MECOM: variants seen among roughly 807,000 people sequenced by gnomAD.
MECOM encodes the protein MDS1 and EVI1 complex locus.
In MECOM, 13 loss-of-function variants were observed where a neutral mutation model predicts 116.3. The ratio of observed to expected loss-of-function variants is 0.11; its 90% CI spans 0.07 to 0.18. The LOEUF is 0.18. Ranked by LOEUF, MECOM falls within the 10% of genes least tolerant of loss-of-function variation. The pLI, the probability that MECOM is intolerant of heterozygous loss-of-function variation, is 1.00. For synonymous variants in MECOM, 528 were observed against 535.2 expected (o/e 0.99, Z 0.19); for missense variants, 1,299 against 1,509.0 (o/e 0.86, Z 2.31).
chr3:169,319,561 A>AT, intron 2 of MECOM, among the ~76,000 whole-genome samples: 2 of 151,456 alleles, frequency 1.3e-5, no homozygotes, highest in African/African-American at 4.8e-5. Flanking sequence ...AAGTATAATA[A>AT]AAAAAAAATC....
At chr3:169,517,248 G>T (rs1756752162) in intron 1 of MECOM, among the ~76,000 whole-genome samples, 1 of 152,116 alleles carries the variant, frequency 6.6e-6, no homozygotes, top group African/African-American at 2.4e-5. Context: ...GAGCTTTTTG[G>T]CATGGGGAGG....
At chr3:169,220,542 T>G (rs1354254685) in intron 2 of MECOM, among the ~76,000 whole-genome samples, 11 of 152,108 alleles carry the variant, frequency 7.2e-5, no homozygotes, top group Admixed American at 7.2e-4. Context: ...TAGCTCGATT[T>G]TGGCTCACTG....
chr3:169,526,859 G>A (rs987011583), intron 1 of MECOM, among the ~76,000 whole-genome samples: 5 of 151,016 alleles, frequency 3.3e-5, no homozygotes, highest in African/African-American at 1.2e-4. Context: ...TTTTTTTCTT[G>A]TTGTGCCACT....
rs1183134249 is a variant in MECOM, at chr3:169,122,522, G to A, written c.978+58C>T. 7.6e-6 allele frequency: 12 copies of A among 1,587,760 alleles called. No individual in the cohort carries two copies. In the Admixed American group the frequency reaches 8.6e-5, roughly 11 times the overall value. The stretch of plus-strand genomic sequence containing the variant: ...GTTTTTATATATCGTAGCAAGTGAT[G>A]GATTAAGAGAGAGCAGGATGACATA... On this transcript the variant is annotated intron_variant, in intron 6 of 16. Coordinates refer to ENST00000651503, the MANE Select transcript of MECOM (RefSeq NM_004991.4).
chr3:169,353,470 C>T (rs1394228528), intron 2 of MECOM, among the ~76,000 whole-genome samples: 1 of 151,664 alleles, frequency 6.6e-6, no homozygotes, highest in Non-Finnish European at 1.5e-5. Flanking sequence ...AAATGGAGGA[C>T]AATAAAAAAA....
chr3:169,616,434 C>T (rs1442659039), intron 1 of MECOM, among the ~76,000 whole-genome samples: 3 of 152,140 alleles, frequency 2.0e-5, no homozygotes, highest in Non-Finnish European at 4.4e-5. Flanking sequence ...CAACCTCCGC[C>T]TCCTGGGTTC....
intron 2 of MECOM, among the ~76,000 whole-genome samples, chr3:169,293,109 C>A (rs781771971): frequency 3.9e-5 from 6 of 152,152 alleles, no homozygotes; most frequent in African/African-American, 1.4e-4. Flanking sequence ...AAATACCTAT[C>A]GCAGGAGGAG....
At chr3:169,599,933 T>C (rs954688724) in intron 1 of MECOM, among the ~76,000 whole-genome samples, 1 of 152,198 alleles carries the variant, frequency 6.6e-6, no homozygotes, top group East Asian at 1.9e-4. Context: ...TGAAGATTTA[T>C]GTATGGATAT....
chr3:169,299,703 T>C (rs920919548), intron 2 of MECOM, among the ~76,000 whole-genome samples: 13 of 152,148 alleles, frequency 8.5e-5, no homozygotes, highest in Non-Finnish European at 1.8e-4. Context: ...GCTCAGCCAC[T>C]ATGGAATTTT....
intron 2 of MECOM, among the ~76,000 whole-genome samples, chr3:169,241,838 C>G (rs1285972879): frequency 6.6e-6 from 1 of 152,134 alleles, no homozygotes; most frequent in Admixed American, 6.5e-5. Flanking sequence ...TTTTAATTTT[C>G]TTTATAGTCT....
intron 2 of MECOM, among the ~76,000 whole-genome samples, chr3:169,275,422 T>C (rs1357815854): frequency 6.6e-6 from 1 of 152,166 alleles, no homozygotes; most frequent in Non-Finnish European, 1.5e-5. Flanking sequence ...CTAGGTGTTG[T>C]CATTGGGTCT....
At chr3:169,233,570 C>G (rs1753674440) in intron 2 of MECOM, among the ~76,000 whole-genome samples, 1 of 152,068 alleles carries the variant, frequency 6.6e-6, no homozygotes, top group Middle Eastern at 3.4e-3. Context: ...TTCCTTAGAC[C>G]CAGTTGTGCG....
At chr3:169,321,541 A>G (rs1028810606) in intron 2 of MECOM, among the ~76,000 whole-genome samples, 2 of 115,774 alleles carry the variant, frequency 1.7e-5, no homozygotes, top group African/African-American at 9.5e-5. Flanking sequence ...ACTCCGTCTC[A>G]AAAAAAAAAA....
Position 169,085,052 on chromosome 3 carries a change from A to C in MECOM, c.3586-9T>G. On this transcript the variant is annotated splice_polypyrimidine_tract_variant and intron_variant, in intron 16 of 16. Transcript: ENST00000651503. ...AGCATCATAGCATATGCCTGGGGTA[A>C]AAAGGAGAGAGACTCAGTAAATGGC... 1 of 1,613,716 alleles carries C rather than the reference A, an allele frequency of 6.2e-7. No homozygotes were observed. The highest frequency in any genetic ancestry group is 2.2e-5 in the East Asian group (1 of 44,890).
chr3:169,249,470 G>C (rs80352940), intron 2 of MECOM, among the ~76,000 whole-genome samples: 2,547 of 152,296 alleles, frequency 0.017, 37 homozygotes, highest in Non-Finnish European at 0.021. Flanking sequence ...CAGAGGTATT[G>C]TTACTCTAAT....
intron 1 of MECOM, among the ~76,000 whole-genome samples, chr3:169,574,939 A>G (rs1412401172): frequency 6.6e-6 from 1 of 152,202 alleles, no homozygotes; most frequent in Non-Finnish European, 1.5e-5. Context: ...AAAAAGCATA[A>G]TCTTTCCGAA....
chr3:169,186,343 G>A (rs13077739), intron 2 of MECOM, among the ~76,000 whole-genome samples: 7 of 80,176 alleles, frequency 8.7e-5, no homozygotes, highest in Non-Finnish European at 1.2e-4. Context: ...GAGGGAGGGA[G>A]GGAAGGAAGG....
intron 2 of MECOM, among the ~76,000 whole-genome samples, chr3:169,297,828 T>C (rs1715928818): frequency 6.6e-6 from 1 of 152,186 alleles, no homozygotes; most frequent in Admixed American, 6.5e-5. Context: ...TTTCAAGTAA[T>C]AATCTGAAAA....
At chr3:169,172,133 CAA>C (rs11427346) in intron 2 of MECOM, among the ~76,000 whole-genome samples, 3 of 141,784 alleles carry the variant, frequency 2.1e-5, no homozygotes, top group Non-Finnish European at 1.6e-5. Flanking sequence ...GAAAAAATAC[CAA>C]AAAAAAAAAA....
Sources: gnomAD v4.1 joint callset for allele counts (sites outside exome capture counted in the v4.1 genomes callset) on GRCh38, gnomAD v4.1.1 for gene constraint, MANE v1.5 for transcripts, NCBI Gene and HGNC (gene_info 2026-07-23, HGNC 2026-07-21) for gene names.